Variants in SEC23B observed in about 807,000 individuals in gnomAD.
The protein encoded by SEC23B is protein transport protein Sec23B.
A neutral mutation model predicts 104.3 loss-of-function variants in SEC23B; 77 were observed. The observed-to-expected ratio is 0.74, with a 90% CI of 0.61 to 0.89. The LOEUF is 0.89. Ranked by LOEUF, SEC23B falls within the 40% of genes least tolerant of loss-of-function variation. The pLI, the probability that SEC23B is intolerant of heterozygous loss-of-function variation, is 0.00. For missense variants in SEC23B, 885 were observed against 949.4 expected, an observed-to-expected ratio of 0.93 and a Z score of 0.89; for synonymous variants, 338 against 332.5, an observed-to-expected ratio of 1.02 and a Z score of -0.18.
intron 3 of SEC23B, 140 bp from the exon 4 acceptor site, chr20:18,515,510 A>G (rs1946668184): frequency 1.5e-6 from 1 of 667,420 alleles, no homozygotes; most frequent in South Asian, 1.5e-5. Context: ...ACAGGGTCTC[A>G]CAGTGTTGCC....
intron 10 of SEC23B, among the ~76,000 whole-genome samples, chr20:18,531,917 G>A (rs188658275): frequency 7.2e-5 from 11 of 151,732 alleles, no homozygotes; most frequent in South Asian, 2.1e-4. Flanking sequence ...AATTAACCTC[G>A]TGTGGTGGTG....
intron 13 of SEC23B, 150 bp from the exon 14 acceptor site, chr20:18,542,869 G>A (rs1402381132): frequency 3.3e-6 from 3 of 921,462 alleles, no homozygotes; most frequent in Admixed American, 1.7e-5. Context: ...GAACTTCTAG[G>A]CTCAAGCAGT....
chr20:18,543,272 A>T, intron 14 of SEC23B, 100 bp downstream of exon 14: 1 of 1,461,252 alleles, frequency 6.8e-7, no homozygotes, highest in Admixed American at 1.7e-5. Flanking sequence ...AATCAGCAAG[A>T]ATTTATCAGT....
chr20:18,545,849 A>AGACT, intron 14 of SEC23B, 107 bp from the exon 15 acceptor site: 1 of 768,818 alleles, frequency 1.3e-6, no homozygotes, highest in Non-Finnish European at 2.4e-6. Flanking sequence ...GGCAGAGTTC[A>AGACT]GACTGGATGT....
Position 18,524,681 on chromosome 20 carries a change from A to G in SEC23B, c.603+12A>G, listed in dbSNP as rs749942602. 15 of 1,599,806 alleles carry G rather than the reference A, an allele frequency of 9.4e-6. No individual in the cohort carries two copies. The highest frequency in any genetic ancestry group is 6.8e-6 in the Non-Finnish European group (8 of 1,168,072). ...CAAAGCAAATACAGGTTTGTACCTT[A>G]CTTGTACAGGAGCAGAAACAAGGAC... On this transcript the variant is annotated intron_variant, in intron 5 of 19. Coordinates refer to ENST00000650089, the MANE Select transcript of SEC23B (RefSeq NM_006363.6).
chr20:18,518,582 G>GT (rs57231166), intron 4 of SEC23B, among the ~76,000 whole-genome samples: 7,072 of 92,338 alleles, frequency 0.077, 705 homozygotes, highest in East Asian at 0.26. Context: ...CTGGAAGGAG[G>GT]TTTTTTTTTT....
chr20:18,526,089 G>A (rs541749317), intron 7 of SEC23B, among the ~76,000 whole-genome samples, 157 bp downstream of exon 7: 2 of 152,154 alleles, frequency 1.3e-5, no homozygotes, highest in Non-Finnish European at 2.9e-5. Context: ...CACGTTGAGG[G>A]AGCCCCTCAA....
Position 18,543,302 on chromosome 20 carries a change from G to A in SEC23B, c.1665+130G>A, listed in dbSNP as rs78956636. 2.5e-3 allele frequency: 2,819 copies of A among 1,122,470 alleles called. 65 individuals are homozygous for A. In the African/African-American group the frequency reaches 0.039, roughly 15 times the overall value. The allele number at this position is 1,122,470 out of a possible 1,614,324, so 69.5% of individuals were successfully genotyped here. ...ATCAGTTGCCTACCTTATGCTGCAC[G>A]CTGGACATTCTGTTAAAGACGTGTT... is the stretch of plus-strand genomic sequence containing the variant. On this transcript the variant is annotated intron_variant, in intron 14 of 19. Coordinates refer to ENST00000650089, the MANE Select transcript of SEC23B (RefSeq NM_006363.6).
chr20:18,514,878 G>A (rs2145225), intron 3 of SEC23B, among the ~76,000 whole-genome samples: 152,165 of 152,360 alleles, frequency 1, 75,986 homozygotes, highest in Middle Eastern at 1. Context: ...TCTACATTCC[G>A]TATGTATTAC....
At chr20:18,550,475 T>C (rs1452589736) in intron 16 of SEC23B, among the ~76,000 whole-genome samples, 1 of 152,192 alleles carries the variant, frequency 6.6e-6, no homozygotes, top group Non-Finnish European at 1.5e-5. Flanking sequence ...TATTTTGTAG[T>C]AAACTTTAAA....
chr20:18,522,412 A>G (rs2060091763), intron 4 of SEC23B, among the ~76,000 whole-genome samples: 1 of 152,224 alleles, frequency 6.6e-6, no homozygotes, highest in Admixed American at 6.5e-5. Context: ...CTTTGTCTCT[A>G]CTAGAGAGGA....
chr20:18,537,491 C>CA (rs1325535737), intron 12 of SEC23B, among the ~76,000 whole-genome samples: 1 of 149,992 alleles, frequency 6.7e-6, no homozygotes. Context: ...ATCGCAAGGA[C>CA]AAAAAAACAC....
intron 10 of SEC23B, among the ~76,000 whole-genome samples, chr20:18,531,266 G>A (rs944243645): frequency 3.9e-5 from 6 of 152,326 alleles, no homozygotes; most frequent in South Asian, 2.1e-4. Flanking sequence ...GCAGCCACAC[G>A]GTGGTCTGCA....
chr20:18,523,651 T>G (rs1255117529), intron 4 of SEC23B, among the ~76,000 whole-genome samples: 1 of 151,806 alleles, frequency 6.6e-6, no homozygotes, highest in East Asian at 1.9e-4. Flanking sequence ...TCCACCTGTC[T>G]TGGCCTCTCA....
chr20:18,530,840 CTG>C (rs760641538), intron 10 of SEC23B, 37 bp downstream of exon 10: 5 of 1,535,836 alleles, frequency 3.3e-6, no homozygotes, highest in Non-Finnish European at 4.5e-6. Context: ...TGTGGACTCA[CTG>C]TACTGCCCAG....
rs1403456625 is a variant in SEC23B at position 18,530,771 on chromosome 20, C to T, written c.1201C>T (p.Arg401Ter). The T allele has an allele frequency of 1.1e-5, 18 of 1,612,976 alleles. No homozygotes were observed. The highest frequency in any genetic ancestry group is 1.1e-5 in the Non-Finnish European group (13 of 1,179,446). The change falls in exon 10 of 20, where the codon CGA becomes TGA. Residue 401 changes from arginine (R) to a stop codon, truncating the protein, a stop_gained. Coordinates refer to ENST00000650089, the MANE Select transcript of SEC23B (RefSeq NM_006363.6). LOFTEE classifies it high-confidence loss of function. ...TACTAAAGATTTTAATGGAGATTTCCGAATGGCATTTGGTGCTACTTTGGA... is the reference window on the plus strand; with the variant it reads ...TACTAAAGATTTTAATGGAGATTTCTGAATGGCATTTGGTGCTACTTTGGA... ...IFTKDFNGDF[R>*]MAFGATLDVK...
At chr20:18,548,905 A>G (rs2060360092) in intron 16 of SEC23B, 135 bp downstream of exon 16, 1 of 820,214 alleles carries the variant, frequency 1.2e-6, no homozygotes, top group Admixed American at 2.4e-5. Flanking sequence ...CATTATTTCT[A>G]TTAAAAAATA....
chr20:18,511,200 G>C, intron 2 of SEC23B, 144 bp downstream of exon 2: 1 of 701,562 alleles, frequency 1.4e-6, no homozygotes. Flanking sequence ...CGATTCTTGT[G>C]GTGAGTAGTA....
At chr20:18,549,709 G>A (rs1156591197) in intron 16 of SEC23B, among the ~76,000 whole-genome samples, 3 of 151,930 alleles carry the variant, frequency 2.0e-5, no homozygotes, top group South Asian at 2.1e-4. Flanking sequence ...TTTCTTTATC[G>A]AGTACCACTT....
Sources: gnomAD v4.1 joint callset for allele counts (sites outside exome capture counted in the v4.1 genomes callset) on GRCh38, gnomAD v4.1.1 for gene constraint, MANE v1.5 for transcripts, NCBI Gene and HGNC (gene_info 2026-07-23, HGNC 2026-07-21) for gene names.